OTOA: variants seen among roughly 807,000 people sequenced by gnomAD.
OTOA encodes the protein cancer/testis antigen 108.
A neutral mutation model predicts 110.8 loss-of-function variants in OTOA; 70 were observed. The observed-to-expected ratio is 0.63, with a 90% CI of 0.52 to 0.77. The LOEUF (loss-of-function observed/expected upper bound fraction) is 0.77. OTOA is among the 30% of genes least tolerant of loss of function. OTOA has a pLI of 0.00. For missense variants in OTOA, 917 were observed against 1,075.8 expected (o/e 0.85, Z 2.06); for synonymous variants, 373 against 431.5 (o/e 0.86, Z 1.68).
chr16:21,672,622 C>CA (rs3054190), intron 1 of OTOA, among the ~76,000 whole-genome samples: 1,920 of 91,896 alleles, frequency 0.021, 44 homozygotes, highest in African/African-American at 0.043. Context: ...GACTCCATCT[C>CA]AAAAAAAAAA....
chr16:21,721,814 C>T (rs1178812720), intron 17 of OTOA, among the ~76,000 whole-genome samples: 5 of 152,124 alleles, frequency 3.3e-5, no homozygotes, highest in African/African-American at 1.2e-4. Context: ...ATCACTTGAA[C>T]CTGGGAGTTC....
At chr16:21,739,467 A>C (rs1396718358) in intron 22 of OTOA, among the ~76,000 whole-genome samples, 1 of 152,308 alleles carries the variant, frequency 6.6e-6, no homozygotes, top group Non-Finnish European at 1.5e-5. Flanking sequence ...CGTGATTGGA[A>C]TGCAGTGAAT....
chr16:21,704,919 T>C, intron 11 of OTOA: 1 of 781,768 alleles, frequency 1.3e-6, no homozygotes, highest in South Asian at 1.3e-5. Flanking sequence ...TCATTCTGAT[T>C]GGATCGTGGA....
At chr16:21,714,949 G>A (rs761789672) in intron 13 of OTOA, 36 bp from the exon 14 acceptor site, 1 of 1,613,212 alleles carries the variant, frequency 6.2e-7, no homozygotes, top group Non-Finnish European at 8.5e-7. Context: ...TGAAAGGCGG[G>A]AGCAGAGCCT....
chr16:21,707,655 T>TTTCTTTCTCTTTCTGTCTC (rs1898225121), intron 12 of OTOA, among the ~76,000 whole-genome samples: 1 of 100,372 alleles, frequency 1.0e-5, no homozygotes, highest in Non-Finnish European at 2.3e-5. Flanking sequence ...CTTTCTTTCT[T>TTTCTTTCTCTTTCTGTCTC]TCTCTTTCTT....
intron 13 of OTOA, 100 bp from the exon 14 acceptor site, chr16:21,714,885 T>G: frequency 6.8e-7 from 1 of 1,479,636 alleles, no homozygotes; most frequent in Non-Finnish European, 9.4e-7. Flanking sequence ...GCCCCTAAGG[T>G]GTCACCCATC....
chr16:21,726,160 G>A (rs1238192065), intron 18 of OTOA, among the ~76,000 whole-genome samples: 1 of 151,484 alleles, frequency 6.6e-6, no homozygotes, highest in Non-Finnish European at 1.5e-5. Flanking sequence ...GTCTATTTAC[G>A]AGAACCCATT....
intron 5 of OTOA, 78 bp from the exon 6 acceptor site, chr16:21,681,660 C>T: frequency 1.6e-6 from 2 of 1,256,084 alleles, no homozygotes; most frequent in Non-Finnish European, 2.3e-6. Flanking sequence ...TACCTGTCCC[C>T]TGGGCACTTA....
intron 1 of OTOA, among the ~76,000 whole-genome samples, chr16:21,669,666 G>T (rs1966846564): frequency 6.6e-6 from 1 of 151,952 alleles, no homozygotes; most frequent in African/African-American, 2.4e-5. Flanking sequence ...CGATCTTTTG[G>T]TTCCGCCTTC....
rs767518359 is a variant in OTOA, at chr16:21,728,377, A to G, written c.2153A>G (p.Asp718Gly). 102 of 1,613,970 alleles carry G rather than the reference A, an allele frequency of 6.3e-5. 3 individuals carry two copies. The South Asian group carries it at 1.0e-3, about 16-fold the overall frequency. ...CTACACGGCCTCAGAGACTGCCCAG[A>G]CCTCAACCCTGAGCAAAAGGCTGCA... The part of the protein sequence containing the change: ...TALHGLRDCP[D>G]LNPEQKAAVR... The change falls in exon 20 of 29, where the codon GAC becomes GGC. Residue 718 changes from aspartate to glycine, a missense_variant. Transcript: ENST00000646100.
chr16:21,710,225 C>T, intron 13 of OTOA, 122 bp downstream of exon 13: 2 of 1,121,434 alleles, frequency 1.8e-6, no homozygotes, highest in Non-Finnish European at 2.6e-6. Flanking sequence ...ATTTATTTCT[C>T]ACAGTTCTGG....
chr16:21,759,901 A>C (rs528756604), intron 28 of OTOA, among the ~76,000 whole-genome samples: 1 of 147,078 alleles, frequency 6.8e-6, no homozygotes, highest in Admixed American at 6.9e-5. Context: ...CTCTGTCTTA[A>C]ATTTTTTTTT....
intron 9 of OTOA, 133 bp from the exon 10 acceptor site, chr16:21,697,642 G>GA: frequency 1.1e-6 from 1 of 877,176 alleles, no homozygotes; most frequent in Non-Finnish European, 1.8e-6. Flanking sequence ...AAAAAACCCC[G>GA]AAAAACAAAA....
At chr16:21,755,448 G>A (rs1303100292) in intron 27 of OTOA, among the ~76,000 whole-genome samples, 2 of 29,262 alleles carry the variant, frequency 6.8e-5, no homozygotes, top group African/African-American at 3.6e-4. Flanking sequence ...CCACCCCACC[G>A]TGTGTGTGTG....
At chr16:21,712,269 G>T (rs568372131) in intron 13 of OTOA, among the ~76,000 whole-genome samples, 20 of 152,068 alleles carry the variant, frequency 1.3e-4, no homozygotes, top group African/African-American at 4.8e-4. Context: ...AGAGGAGGTT[G>T]CAGTGAGCCG....
chr16:21,681,635 C>A, intron 5 of OTOA, 103 bp from the exon 6 acceptor site: 3 of 900,592 alleles, frequency 3.3e-6, no homozygotes, highest in Non-Finnish European at 5.5e-6. Context: ...AGTCCTAACA[C>A]CCCTGGTCCA....
At chr16:21,687,337 A>T in intron 7 of OTOA, 76 bp from the exon 8 acceptor site, 1 of 1,163,656 alleles carries the variant, frequency 8.6e-7, no homozygotes, top group South Asian at 1.2e-5. Flanking sequence ...CCACTGTTGC[A>T]ATGTGTGGTC....
intron 28 of OTOA, among the ~76,000 whole-genome samples, chr16:21,758,818 A>T (rs540348965): frequency 6.6e-6 from 1 of 151,656 alleles, no homozygotes; most frequent in Non-Finnish European, 1.5e-5. Flanking sequence ...CCTGGCCAAC[A>T]TGGCAAAACC....
chr16:21,734,108 C>CA (rs1899205935), intron 21 of OTOA, among the ~76,000 whole-genome samples: 1 of 150,444 alleles, frequency 6.6e-6, no homozygotes, highest in Admixed American at 6.7e-5. Context: ...CTGTGTTAGG[C>CA]AATTCTTGCA....
Sources: allele counts gnomAD v4.1 joint callset (sites outside exome capture counted in the v4.1 genomes callset), GRCh38; gene constraint gnomAD v4.1.1; transcripts MANE v1.5; gene names NCBI Gene and HGNC (gene_info 2026-07-23, HGNC 2026-07-21).